FHIP1A: variants seen among roughly 807,000 people sequenced by gnomAD.
The protein encoded by FHIP1A is FHF complex subunit HOOK interacting protein 1A.
Under a neutral mutation model 88.6 loss-of-function variants are expected in FHIP1A, and 61 were observed. That is an observed-to-expected ratio of 0.69 (90% CI 0.56 to 0.85). FHIP1A has a LOEUF of 0.85. Among genes scored for constraint, FHIP1A ranks in the 40% least tolerant of loss-of-function variants. The probability of loss-of-function intolerance (pLI) is 0.00; values close to 1 mark genes in which losing one functional copy is unlikely to be tolerated. For missense variants in FHIP1A, 1,154 were observed against 1,273.5 expected (o/e 0.91, Z 1.43); for synonymous variants, 478 against 496.0 (o/e 0.96, Z 0.48).
chr4:151,506,819 A>G (rs959160868), intron 3 of FHIP1A, among the ~76,000 whole-genome samples: 3 of 152,194 alleles, frequency 2.0e-5, no homozygotes, highest in Non-Finnish European at 2.9e-5. Context: ...GCCTTCAAAG[A>G]GTGCTGAATT....
intron 5 of FHIP1A, among the ~76,000 whole-genome samples, chr4:151,579,327 C>T (rs1018957499): frequency 2.0e-5 from 3 of 151,978 alleles, no homozygotes; most frequent in African/African-American, 4.8e-5. Flanking sequence ...GTTGATAATC[C>T]GGGAGGCTGT....
intron 1 of FHIP1A, among the ~76,000 whole-genome samples, chr4:151,434,130 G>C (rs533704113): frequency 3.3e-5 from 5 of 152,276 alleles, no homozygotes; most frequent in African/African-American, 1.2e-4. Context: ...TTGAACTGTA[G>C]TTACTGTGTA....
chr4:151,620,070 T>G (rs1173869504), intron 7 of FHIP1A, among the ~76,000 whole-genome samples: 1 of 152,238 alleles, frequency 6.6e-6, no homozygotes, highest in Non-Finnish European at 1.5e-5. Context: ...CCTCAAAGCT[T>G]CTTACATGTA....
intron 7 of FHIP1A, among the ~76,000 whole-genome samples, chr4:151,620,615 C>T (rs1477530921): frequency 6.6e-6 from 1 of 152,160 alleles, no homozygotes; most frequent in Non-Finnish European, 1.5e-5. Flanking sequence ...AGTAAATTTT[C>T]AGAGGCTGAG....
chr4:151,601,458 T>TA (rs2126829750), intron 7 of FHIP1A, among the ~76,000 whole-genome samples: 1 of 151,974 alleles, frequency 6.6e-6, no homozygotes, highest in South Asian at 2.1e-4. Context: ...AATTGCAGCT[T>TA]AAAATTTTCT....
chr4:151,622,584 T>G (rs1735787334), intron 7 of FHIP1A, among the ~76,000 whole-genome samples: 2 of 152,134 alleles, frequency 1.3e-5, no homozygotes, highest in Admixed American at 1.3e-4. Context: ...TTGTTGGGAC[T>G]CAAATAACTG....
chr4:151,556,247 A>T (rs141956765), intron 3 of FHIP1A, among the ~76,000 whole-genome samples: 1 of 152,298 alleles, frequency 6.6e-6, no homozygotes, highest in Non-Finnish European at 1.5e-5. Context: ...CCAGTTCATT[A>T]TATAGTTATT....
rs1578887004 is a variant in FHIP1A at position 151,670,076 on chromosome 4, T to C, written c.*7322T>C. On this transcript the variant is annotated 3_prime_UTR_variant, in exon 14 of 14. Coordinates refer to ENST00000435205, the MANE Select transcript of FHIP1A (RefSeq NM_001109977.3). ...ATCAAGGCCTCCAAGGATTTTATTC[T>C]CTTACATCACAGTTTTGACAAGTAT... is the stretch of plus-strand genomic sequence containing the variant. 3 of 152,326 alleles carry C rather than the reference T, an allele frequency of 2.0e-5. No individual in the cohort carries two copies. In the East Asian group the frequency reaches 5.8e-4, roughly 29 times the overall value. 9.4% of individuals were successfully genotyped at this position (152,326 alleles called of 1,614,324 possible). A position where few individuals can be genotyped will look rare whatever the true frequency, so the allele number is the denominator to read the frequency against.
chr4:151,590,841 A>G lies in FHIP1A; in HGVS notation c.978+1915A>G, dbSNP rs934579459. Among the ~76,000 whole-genome samples, 5 of 152,240 alleles carry G rather than the reference A, an allele frequency of 3.3e-5. No homozygotes were observed. In the East Asian group the frequency reaches 7.7e-4, roughly 23 times the overall value. On this transcript the variant is annotated intron_variant, in intron 7 of 13. Coordinates refer to ENST00000435205, the MANE Select transcript of FHIP1A (RefSeq NM_001109977.3). ...TTGAAACCATAAAGTTAATACATTT[A>G]AAGTTTAAAGCCATAAAGTTAATAC...
intron 8 of FHIP1A, among the ~76,000 whole-genome samples, chr4:151,636,503 A>G (rs1207430185): frequency 1.3e-5 from 2 of 152,038 alleles, no homozygotes; most frequent in East Asian, 3.8e-4. Context: ...TATGTAAAAA[A>G]CTAAGGAATG....
In FHIP1A at chr4:151,670,431, C is replaced by CT. The variant is rs1737822745; in HGVS notation, c.*7680dup. The CT allele has an allele frequency of 6.6e-6, 1 of 152,242 alleles. No individual in the cohort carries two copies. The highest frequency in any genetic ancestry group is 1.9e-4 in the East Asian group (1 of 5,186). The allele number at this position is 152,242 out of a possible 1,614,324, so 9.4% of individuals were successfully genotyped here. A position where few individuals can be genotyped will look rare whatever the true frequency, so the allele number is the denominator to read the frequency against. Reference sequence around the variant, plus strand: ...TTGGGGGAGTTGTCAGCTGCACAATCTTTGAAGTGTAAGTTAATTTTTATG... The same window carrying CT: ...TTGGGGGAGTTGTCAGCTGCACAATCTTTTGAAGTGTAAGTTAATTTTTATG... On this transcript the variant is annotated 3_prime_UTR_variant, in exon 14 of 14. Coordinates refer to ENST00000435205, the MANE Select transcript of FHIP1A (RefSeq NM_001109977.3).
At chr4:151,542,011 A>C (rs1467832143) in intron 3 of FHIP1A, among the ~76,000 whole-genome samples, 1 of 152,148 alleles carries the variant, frequency 6.6e-6, no homozygotes, top group African/African-American at 2.4e-5. Flanking sequence ...GGAAGTTCAC[A>C]CCATTTGCAG....
At chr4:151,603,375 C>T (rs1734950763) in intron 7 of FHIP1A, among the ~76,000 whole-genome samples, 2 of 151,916 alleles carry the variant, frequency 1.3e-5, no homozygotes, top group Admixed American at 1.3e-4. Context: ...GCTTCTGACT[C>T]CCTGGACCCG....
chr4:151,566,792 GT>G (rs1390649799), intron 4 of FHIP1A, among the ~76,000 whole-genome samples: 5 of 152,086 alleles, frequency 3.3e-5, no homozygotes, highest in African/African-American at 1.2e-4. Context: ...AATGCCTTAT[GT>G]CATTTAATCT....
At chr4:151,495,498 T>TC (rs1238988031) in intron 3 of FHIP1A, among the ~76,000 whole-genome samples, 4 of 148,994 alleles carry the variant, frequency 2.7e-5, no homozygotes, top group Non-Finnish European at 5.9e-5. Context: ...TGAGACTGTT[T>TC]CAAAAAAAAA....
At chr4:151,501,700 A>G (rs1478323958) in intron 3 of FHIP1A, among the ~76,000 whole-genome samples, 1 of 150,352 alleles carries the variant, frequency 6.7e-6, no homozygotes, top group Non-Finnish European at 1.5e-5. Context: ...CATGTTTTTT[A>G]TGTTGGTCAT....
chr4:151,643,946 A>G (rs1736691798), intron 9 of FHIP1A, among the ~76,000 whole-genome samples: 1 of 152,240 alleles, frequency 6.6e-6, no homozygotes. Flanking sequence ...CCCACTGGTG[A>G]TATTTGATAA....
At chr4:151,456,359 G>A (rs1278452601) in intron 2 of FHIP1A, among the ~76,000 whole-genome samples, 1 of 152,110 alleles carries the variant, frequency 6.6e-6, no homozygotes, top group Non-Finnish European at 1.5e-5. Context: ...AGCGGGTGGT[G>A]GAAAGGACTA....
intron 3 of FHIP1A, among the ~76,000 whole-genome samples, chr4:151,522,066 C>A (rs1731465211): frequency 1.3e-5 from 2 of 152,196 alleles, no homozygotes; most frequent in Non-Finnish European, 2.9e-5. Context: ...TCTTAGATGT[C>A]TGAAACTTTC....
Sources: allele counts gnomAD v4.1 joint callset (sites outside exome capture counted in the v4.1 genomes callset), GRCh38; gene constraint gnomAD v4.1.1; transcripts MANE v1.5; gene names NCBI Gene and HGNC (gene_info 2026-07-23, HGNC 2026-07-21).